The following ACSL5 variants were observed in gnomAD, a reference collection of about 807,000 sequenced individuals.
The protein encoded by ACSL5 is long-chain-fatty-acid--CoA ligase 5.
A neutral mutation model predicts 84.9 loss-of-function variants in ACSL5; 50 were observed. That is an observed-to-expected ratio of 0.59 (90% CI 0.47 to 0.75). The LOEUF is 0.75. ACSL5 is among the 30% of genes least tolerant of loss of function. The pLI, the probability that ACSL5 is intolerant of heterozygous loss-of-function variation, is 0.00. For missense variants in ACSL5, 775 were observed against 830.4 expected (o/e 0.93, Z 0.82); for synonymous variants, 280 against 300.7 (o/e 0.93, Z 0.71).
At chr10:112,410,148 C>A in intron 7 of ACSL5, 1 of 1,315,472 alleles carries the variant, frequency 7.6e-7, no homozygotes, top group Non-Finnish European at 9.9e-7. Flanking sequence ...GTAATAAGCT[C>A]TGAAAATGTT....
rs200482150 is a variant in ACSL5, at chr10:112,410,505, C to T, written c.744+10C>T. The T allele has an allele frequency of 5.6e-6, 9 of 1,614,078 alleles. No homozygotes were observed. Among genetic ancestry groups the T allele is most frequent in the African/African-American group, 1.3e-5 (1 of 74,938 alleles). ...CTTCAGAAAACCTGTGGTAAGTTTT[C>T]TTCTGCCTGAATTTGAGCCTTGCCA... On this transcript the variant is annotated intron_variant, in intron 8 of 20. Coordinates refer to ENST00000354655, the MANE Select transcript of ACSL5 (RefSeq NM_203379.2).
intron 7 of ACSL5, 102 bp downstream of exon 7, chr10:112,409,787 G>A (rs778697846): frequency 2.1e-5 from 25 of 1,202,926 alleles, no homozygotes; most frequent in South Asian, 1.2e-4. Flanking sequence ...TTCTCCAGGG[G>A]TGGCACGTGA....
At chr10:112,384,178 T>G (rs1164000340) in intron 1 of ACSL5, among the ~76,000 whole-genome samples, 2 of 151,982 alleles carry the variant, frequency 1.3e-5, no homozygotes, top group South Asian at 4.2e-4. Context: ...AGAGCAAGAC[T>G]CTGTCTCAGA....
At chr10:112,423,516 G>T (rs993943276) in intron 17 of ACSL5, among the ~76,000 whole-genome samples, 7 of 151,590 alleles carry the variant, frequency 4.6e-5, no homozygotes, top group African/African-American at 1.7e-4. Flanking sequence ...AGTACTTTTG[G>T]TATTTTGATC....
intron 1 of ACSL5, among the ~76,000 whole-genome samples, chr10:112,379,522 AT>A (rs2133559198): frequency 6.6e-6 from 1 of 152,306 alleles, no homozygotes; most frequent in Non-Finnish European, 1.5e-5. Context: ...ACATCTCGTA[AT>A]AGAACATCTG....
chr10:112,391,422 T>G (rs1705272748), intron 1 of ACSL5, among the ~76,000 whole-genome samples: 1 of 151,876 alleles, frequency 6.6e-6, no homozygotes, highest in African/African-American at 2.4e-5. Context: ...CACCTCCTAC[T>G]TGAGTTGGAT....
At chr10:112,408,659 A>G in intron 6 of ACSL5, 138 bp downstream of exon 6, 1 of 644,082 alleles carries the variant, frequency 1.6e-6, no homozygotes, top group Non-Finnish European at 2.8e-6. Flanking sequence ...AAGTCTTTCT[A>G]GTTTTGTAGT....
chr10:112,423,488 C>T (rs897082079), intron 17 of ACSL5, among the ~76,000 whole-genome samples: 15 of 151,504 alleles, frequency 9.9e-5, no homozygotes, highest in African/African-American at 2.4e-5. Flanking sequence ...TAAGCTACCA[C>T]ACCAGAAGTA....
intron 19 of ACSL5, 153 bp downstream of exon 19, chr10:112,426,512 A>T: frequency 1.5e-6 from 1 of 647,988 alleles, no homozygotes. Flanking sequence ...GAGTTTAAAA[A>T]ATAAAACTCT....
At position 112,416,879 on chromosome 10, in the gene ACSL5, A is replaced by C; in HGVS notation, c.1084-9A>C. On this transcript the variant is annotated splice_polypyrimidine_tract_variant and intron_variant, in intron 12 of 20. Coordinates refer to ENST00000354655, the MANE Select transcript of ACSL5 (RefSeq NM_203379.2). ...AGGTTTCCAACTAAAAGGAGCTATC[A>C]CTCTGCAGGTACAAAATGAGGCCAA... 6.2e-7 allele frequency: 1 copy of C among 1,613,422 alleles called. No homozygotes were observed. Among genetic ancestry groups the C allele is most frequent in the Non-Finnish European group, 8.5e-7 (1 of 1,179,508 alleles).
intron 2 of ACSL5, among the ~76,000 whole-genome samples, chr10:112,397,261 C>T (rs532122061): frequency 6.6e-6 from 1 of 151,886 alleles, no homozygotes; most frequent in Non-Finnish European, 1.5e-5. Flanking sequence ...CCTCCGCTTC[C>T]CAGGTTCAAG....
intron 1 of ACSL5, among the ~76,000 whole-genome samples, chr10:112,387,740 G>A (rs1001408672): frequency 6.6e-6 from 1 of 152,068 alleles, no homozygotes; most frequent in African/African-American, 2.4e-5. Flanking sequence ...GAGGATGCTG[G>A]TCTCCTTTTT....
intron 1 of ACSL5, among the ~76,000 whole-genome samples, chr10:112,380,067 TCAG>T (rs1186215900): frequency 1.3e-5 from 2 of 152,138 alleles, no homozygotes; most frequent in Non-Finnish European, 2.9e-5. Context: ...ATATACTTGG[TCAG>T]CAGCAGGCCT....
chr10:112,409,414 C>A, intron 6 of ACSL5, 93 bp from the exon 7 acceptor site: 1 of 1,180,410 alleles, frequency 8.5e-7, no homozygotes, highest in Non-Finnish European at 1.2e-6. Context: ...CACCTGTTAG[C>A]TTTGAAAACT....
chr10:112,398,248 G>A (rs1447558263), intron 2 of ACSL5, among the ~76,000 whole-genome samples: 1 of 17,616 alleles, frequency 5.7e-5, no homozygotes, highest in Non-Finnish European at 1.2e-4. Context: ...TGTATTTTTA[G>A]TAGAGACGGG....
At chr10:112,392,030 C>T (rs969884810) in intron 1 of ACSL5, among the ~76,000 whole-genome samples, 2 of 152,196 alleles carry the variant, frequency 1.3e-5, no homozygotes, top group Non-Finnish European at 2.9e-5. Context: ...GCAAAGTCTC[C>T]TATTAAAATA....
intron 19 of ACSL5, 26 bp downstream of exon 19, chr10:112,426,385 T>C: frequency 1.9e-6 from 3 of 1,589,466 alleles, no homozygotes; most frequent in Non-Finnish European, 2.6e-6. Flanking sequence ...GAAAGCTTTA[T>C]GCACACCCAT....
intron 9 of ACSL5, 120 bp downstream of exon 9, chr10:112,410,755 A>G (rs1844159290): frequency 2.0e-6 from 2 of 981,368 alleles, no homozygotes; most frequent in East Asian, 2.6e-5. Flanking sequence ...AGGGGCTCAC[A>G]GCCTAAGGCT....
intron 1 of ACSL5, chr10:112,376,227 G>C (rs950102316): frequency 1.8e-5 from 28 of 1,555,512 alleles, no homozygotes; most frequent in Non-Finnish European, 2.2e-5. Context: ...CCCCGAGCAC[G>C]TTAGAAAGCC....
Sources: allele counts gnomAD v4.1 joint callset (sites outside exome capture counted in the v4.1 genomes callset), GRCh38; gene constraint gnomAD v4.1.1; transcripts MANE v1.5; gene names NCBI Gene and HGNC (gene_info 2026-07-23, HGNC 2026-07-21).